Variants in INSYN2B observed in about 807,000 individuals in gnomAD.
INSYN2B encodes the protein inhibitory synaptic factor family member 2B.
A neutral mutation model predicts 41.2 loss-of-function variants in INSYN2B; 16 were observed. The ratio of observed to expected loss-of-function variants is 0.39; its 90% CI spans 0.26 to 0.59. INSYN2B has a LOEUF of 0.59. INSYN2B is among the 20% of genes least tolerant of loss of function. The pLI is 0.57. For synonymous variants in INSYN2B, 245 were observed against 244.4 expected (o/e 1.00, Z -0.02); for missense variants, 608 against 646.4 (o/e 0.94, Z 0.64).
intron 1 of INSYN2B, among the ~76,000 whole-genome samples, chr5:169,933,985 C>T (rs532770305): frequency 1.1e-4 from 16 of 152,264 alleles, no homozygotes; most frequent in South Asian, 4.1e-4. Context: ...TCAGCAGGAC[C>T]GGCATCTATT....
intron 1 of INSYN2B, among the ~76,000 whole-genome samples, chr5:169,910,372 T>C (rs1774526605): frequency 6.6e-6 from 1 of 152,204 alleles, no homozygotes; most frequent in African/African-American, 2.4e-5. Flanking sequence ...TAAAATTGCA[T>C]CTCAAGACAG....
intron 1 of INSYN2B, among the ~76,000 whole-genome samples, chr5:169,957,499 C>T (rs1776918282): frequency 6.6e-6 from 1 of 152,172 alleles, no homozygotes; most frequent in Non-Finnish European, 1.5e-5. Context: ...TCCCACTGAA[C>T]AGATGAGAAA....
intron 1 of INSYN2B, among the ~76,000 whole-genome samples, chr5:169,917,013 T>G (rs1414797559): frequency 6.6e-6 from 1 of 152,218 alleles, no homozygotes; most frequent in Non-Finnish European, 1.5e-5. Flanking sequence ...ATATGGTGGA[T>G]CTCAGAGAGC....
chr5:169,904,439 A>G (rs1054409424), intron 1 of INSYN2B, among the ~76,000 whole-genome samples: 1 of 152,164 alleles, frequency 6.6e-6, no homozygotes, highest in Non-Finnish European at 1.5e-5. Context: ...ACACCTCTCC[A>G]AAGTCTCACT....
chr5:169,941,591 G>T (rs1003827619), intron 1 of INSYN2B, among the ~76,000 whole-genome samples: 1 of 152,214 alleles, frequency 6.6e-6, no homozygotes, highest in African/African-American at 2.4e-5. Flanking sequence ...ACCAAATCTG[G>T]CAGAACTTTG....
chr5:169,936,703 C>T (rs1204149637), intron 1 of INSYN2B, among the ~76,000 whole-genome samples: 1 of 150,878 alleles, frequency 6.6e-6, no homozygotes, highest in African/African-American at 2.4e-5. Context: ...TCCTGGGGGG[C>T]GCGCTCCAGC....
At chr5:169,904,712 G>T (rs1774172698) in intron 1 of INSYN2B, among the ~76,000 whole-genome samples, 2 of 152,190 alleles carry the variant, frequency 1.3e-5, no homozygotes, top group African/African-American at 4.8e-5. Context: ...ACCGAGGGTG[G>T]CCTCAGCTCA....
At chr5:169,946,450 C>T (rs1399953199) in intron 1 of INSYN2B, among the ~76,000 whole-genome samples, 1 of 152,186 alleles carries the variant, frequency 6.6e-6, no homozygotes, top group African/African-American at 2.4e-5. Flanking sequence ...GAGGAAAGGG[C>T]AGGAGTGTTT....
At chr5:169,904,504 G>A (rs1441889915) in intron 1 of INSYN2B, among the ~76,000 whole-genome samples, 1 of 152,124 alleles carries the variant, frequency 6.6e-6, no homozygotes, top group Non-Finnish European at 1.5e-5. Context: ...ACAGGCAGGG[G>A]AGGGCCTGAG....
intron 3 of INSYN2B, among the ~76,000 whole-genome samples, chr5:169,867,986 A>G (rs932510805): frequency 6.6e-6 from 1 of 152,182 alleles, no homozygotes; most frequent in Admixed American, 6.5e-5. Context: ...TATATTCACA[A>G]TGCTCCTAGC....
chr5:169,970,022 T>C (rs1328025248), intron 1 of INSYN2B, among the ~76,000 whole-genome samples: 1 of 152,262 alleles, frequency 6.6e-6, no homozygotes, highest in Non-Finnish European at 1.5e-5. Flanking sequence ...GCCTACAGGC[T>C]GCCTTTTTGA....
intron 1 of INSYN2B, among the ~76,000 whole-genome samples, chr5:169,945,564 C>T (rs929021852): frequency 3.3e-5 from 5 of 152,174 alleles, no homozygotes; most frequent in Non-Finnish European, 5.9e-5. Context: ...GTGCTCATTT[C>T]GAAGGTGAGA....
intron 1 of INSYN2B, 46 bp downstream of exon 1, chr5:169,980,231 A>G (rs1353409040): frequency 6.6e-6 from 1 of 152,206 alleles, no homozygotes; most frequent in East Asian, 1.9e-4. Flanking sequence ...ATTTTCTCTC[A>G]GAGGATCATC....
In INSYN2B at chr5:169,947,568, G is replaced by A. The variant is rs557772489; in HGVS notation, c.-919+32709C>T. The stretch of plus-strand genomic sequence containing the variant: ...TCAGGGCATCTGCCCTGGCATCTGG[G>A]CCTTTCTGACCCTCCACATTAAGCT... On this transcript the variant is annotated intron_variant, in intron 1 of 3. Coordinates refer to ENST00000377365, the MANE Select transcript of INSYN2B (RefSeq NM_001129891.3). Among the ~76,000 whole-genome samples, 3 of 152,282 alleles carry A rather than the reference G, an allele frequency of 2.0e-5. No homozygotes were observed. The East Asian group carries it at 5.8e-4, about 29-fold the overall frequency.
chr5:169,861,758 A>G lies in INSYN2B; in HGVS notation c.*2515T>C, dbSNP rs555176183. Reference sequence around the variant, plus strand: ...TGTTCATCAGGAAAATGTTTATGGAATCCTATTTCCTCATAATGATTTTAA... The same window carrying G: ...TGTTCATCAGGAAAATGTTTATGGAGTCCTATTTCCTCATAATGATTTTAA... On this transcript the variant is annotated 3_prime_UTR_variant, in exon 4 of 4. Coordinates refer to ENST00000377365, the MANE Select transcript of INSYN2B (RefSeq NM_001129891.3). 9.8e-5 allele frequency among the ~76,000 whole-genome samples: 15 copies of G among 152,314 alleles called. No individual in the cohort carries two copies. Among genetic ancestry groups the G allele is most frequent in the African/African-American group, 2.6e-4 (11 of 41,578 alleles).
At chr5:169,942,985 G>A (rs1329298433) in intron 1 of INSYN2B, among the ~76,000 whole-genome samples, 1 of 152,176 alleles carries the variant, frequency 6.6e-6, no homozygotes, top group Non-Finnish European at 1.5e-5. Context: ...CGTATGCGTG[G>A]GACAAACATG....
chr5:169,965,049 G>A (rs1194909329), intron 1 of INSYN2B, among the ~76,000 whole-genome samples: 1 of 152,200 alleles, frequency 6.6e-6, no homozygotes, highest in South Asian at 2.1e-4. Context: ...AACATCTGTT[G>A]AAGCCCTACT....
intron 1 of INSYN2B, among the ~76,000 whole-genome samples, chr5:169,976,768 G>A (rs1777731359): frequency 6.6e-6 from 1 of 152,288 alleles, no homozygotes. Context: ...GAGCTGATCT[G>A]TCATTAATGC....
chr5:169,978,996 TC>T (rs1487221234), intron 1 of INSYN2B, among the ~76,000 whole-genome samples: 4 of 152,170 alleles, frequency 2.6e-5, no homozygotes, highest in African/African-American at 9.7e-5. Flanking sequence ...TCCCTGGAAT[TC>T]TGTTTTAAGA....
Sources: allele counts gnomAD v4.1 joint callset (sites outside exome capture counted in the v4.1 genomes callset), GRCh38; gene constraint gnomAD v4.1.1; transcripts MANE v1.5; gene names NCBI Gene and HGNC (gene_info 2026-07-23, HGNC 2026-07-21).